ZDHHC21: variants seen among roughly 807,000 people sequenced by gnomAD.
ZDHHC21 encodes the protein zDHHC palmitoyltransferase 21, also known as palmitoyltransferase ZDHHC21.
A neutral mutation model predicts 34.6 loss-of-function variants in ZDHHC21; 15 were observed. The observed-to-expected ratio is 0.43, with a 90% CI of 0.29 to 0.67. The LOEUF (loss-of-function observed/expected upper bound fraction) is 0.67. Among genes scored for constraint, ZDHHC21 ranks in the 30% least tolerant of loss-of-function variants. The pLI, the probability that ZDHHC21 is intolerant of heterozygous loss-of-function variation, is 0.14. For missense variants in ZDHHC21, 344 were observed against 327.7 expected (o/e 1.05, Z -0.38); for synonymous variants, 142 against 101.8 (o/e 1.40, Z -2.38).
At chr9:14,648,949 T>C (rs1437824578) in intron 7 of ZDHHC21, among the ~76,000 whole-genome samples, 1 of 151,840 alleles carries the variant, frequency 6.6e-6, no homozygotes, top group Non-Finnish European at 1.5e-5. Flanking sequence ...ATTTTTTTTT[T>C]CTTTGTGATC....
intron 7 of ZDHHC21, among the ~76,000 whole-genome samples, chr9:14,642,822 A>G (rs1483170836): frequency 6.6e-6 from 1 of 152,244 alleles, no homozygotes; most frequent in Non-Finnish European, 1.5e-5. Flanking sequence ...TTCTTAAGAC[A>G]GGCCTAGCAA....
At chr9:14,682,610 C>A (rs1837581643) in intron 2 of ZDHHC21, among the ~76,000 whole-genome samples, 1 of 152,176 alleles carries the variant, frequency 6.6e-6, no homozygotes, top group Non-Finnish European at 1.5e-5. Flanking sequence ...TAGCACTCTA[C>A]TGTCAACATT....
intron 8 of ZDHHC21, among the ~76,000 whole-genome samples, chr9:14,633,164 C>T (rs1467268164): frequency 2.0e-5 from 3 of 152,054 alleles, no homozygotes; most frequent in Admixed American, 6.5e-5. Flanking sequence ...CAAAGAAGAA[C>T]CAAAATAGTG....
chr9:14,673,841 C>CTG, intron 4 of ZDHHC21, among the ~76,000 whole-genome samples: 1 of 152,160 alleles, frequency 6.6e-6, no homozygotes, highest in South Asian at 2.1e-4. Flanking sequence ...GTAATGTATA[C>CTG]TGTCTCTATT....
At chr9:14,604,507 G>A in the ZDHHC21 span, among the ~76,000 whole-genome samples, 1 of 152,088 alleles carries the variant, frequency 6.6e-6, no homozygotes, top group Non-Finnish European at 1.5e-5. Flanking sequence ...ACTTTAGGAT[G>A]GCGGCTACCT....
At position 14,641,089 on chromosome 9, in the gene ZDHHC21, A is replaced by G. The variant is rs371130287; in HGVS notation, c.505-1077T>C. 2.6e-5 allele frequency among the ~76,000 whole-genome samples: 4 copies of G among 152,280 alleles called. No homozygotes were observed. In the East Asian group the frequency reaches 7.7e-4, roughly 29 times the overall value. ...TTTATACTGATTCATGTTAAGGATT[A>G]AAGTATCCTAACAGCAACTTCAAAA... is the stretch of plus-strand genomic sequence containing the variant. On this transcript the variant is annotated intron_variant, in intron 7 of 9. Transcript: ENST00000380916.
chr9:14,619,470 G>A (rs962896256), intron 9 of ZDHHC21, among the ~76,000 whole-genome samples, 169 bp downstream of exon 9: 7 of 152,042 alleles, frequency 4.6e-5, no homozygotes, highest in African/African-American at 7.2e-5. Context: ...TACCATGGCT[G>A]GAAAACCCCT....
chr9:14,604,157 T>C, the ZDHHC21 span, among the ~76,000 whole-genome samples: 6 of 152,132 alleles, frequency 3.9e-5, no homozygotes, highest in African/African-American at 1.2e-4. Context: ...TATATGTTGG[T>C]TGGAGTGTAA....
chr9:14,648,944 T>C (rs1032224591), intron 7 of ZDHHC21, among the ~76,000 whole-genome samples: 15 of 151,834 alleles, frequency 9.9e-5, no homozygotes, highest in African/African-American at 3.6e-4. Flanking sequence ...TAAAAATTTT[T>C]TTTTTCTTTG....
chr9:14,604,011 G>T, the ZDHHC21 span, among the ~76,000 whole-genome samples: 1 of 152,088 alleles, frequency 6.6e-6, no homozygotes, highest in South Asian at 2.1e-4. Context: ...ACTTTTTCCA[G>T]AAAATTACAT....
chr9:14,669,496 T>C (rs1018924313), intron 5 of ZDHHC21, among the ~76,000 whole-genome samples: 4 of 151,420 alleles, frequency 2.6e-5, no homozygotes, highest in African/African-American at 9.7e-5. Context: ...AGCCATCCCA[T>C]TACTGGGTAT....
chr9:14,651,715 C>T (rs1158530025), intron 7 of ZDHHC21, among the ~76,000 whole-genome samples: 2 of 151,728 alleles, frequency 1.3e-5, no homozygotes, highest in Admixed American at 6.6e-5. Flanking sequence ...AATTGAAAAC[C>T]GTAATTTTCT....
chr9:14,636,431 G>A (rs934289930), intron 8 of ZDHHC21, among the ~76,000 whole-genome samples: 1 of 151,976 alleles, frequency 6.6e-6, no homozygotes, highest in Non-Finnish European at 1.5e-5. Flanking sequence ...AGATTTAAAG[G>A]GAAAGATAGA....
At chr9:14,597,460 C>G in the ZDHHC21 span, among the ~76,000 whole-genome samples, 1 of 152,190 alleles carries the variant, frequency 6.6e-6, no homozygotes, top group Non-Finnish European at 1.5e-5. Context: ...TCCTCAGAAT[C>G]TGAGAGCGGC....
At chr9:14,682,628 C>T (rs529997672) in intron 2 of ZDHHC21, among the ~76,000 whole-genome samples, 7 of 151,884 alleles carry the variant, frequency 4.6e-5, no homozygotes, top group African/African-American at 7.3e-5. Context: ...ATTAGATCAA[C>T]GAGACAGGAA....
At chr9:14,603,323 C>A in the ZDHHC21 span, among the ~76,000 whole-genome samples, 1 of 151,982 alleles carries the variant, frequency 6.6e-6, no homozygotes, top group Non-Finnish European at 1.5e-5. Flanking sequence ...GGAGTTACCT[C>A]CTATTTGAGG....
At chr9:14,631,256 T>C (rs753160416) in intron 8 of ZDHHC21, among the ~76,000 whole-genome samples, 51 of 152,220 alleles carry the variant, frequency 3.4e-4, no homozygotes, top group Non-Finnish European at 4.0e-4. Flanking sequence ...TTGCATTTTT[T>C]ATGTTATGGA....
At position 14,648,523 on chromosome 9, in the gene ZDHHC21, A is replaced by G. The variant is rs181692375; in HGVS notation, c.505-8511T>C. ...TCCCTACTGTTCCTTGAGAATGTCAACAACAGTGACTTGCTTGAGTTCCAG... is the reference window on the plus strand; with the variant it reads ...TCCCTACTGTTCCTTGAGAATGTCAGCAACAGTGACTTGCTTGAGTTCCAG... On this transcript the variant is annotated intron_variant, in intron 7 of 9. Coordinates refer to ENST00000380916, the MANE Select transcript of ZDHHC21 (RefSeq NM_178566.6). Among the ~76,000 whole-genome samples, 262 of 152,202 alleles carry G rather than the reference A, an allele frequency of 1.7e-3. 1 individual carries two copies. The highest frequency in any genetic ancestry group is 6.1e-3 in the African/African-American group (253 of 41,538).
chr9:14,652,412 T>C (rs181080361), intron 7 of ZDHHC21, among the ~76,000 whole-genome samples: 6 of 152,078 alleles, frequency 3.9e-5, no homozygotes, highest in Admixed American at 3.3e-4. Context: ...TAGTCCTTAC[T>C]TCCTCAACAA....
Sources: allele counts gnomAD v4.1 joint callset (sites outside exome capture counted in the v4.1 genomes callset), GRCh38; gene constraint gnomAD v4.1.1; transcripts MANE v1.5; gene names NCBI Gene and HGNC (gene_info 2026-07-23, HGNC 2026-07-21).